ARHGAP27: variants seen among roughly 807,000 people sequenced by gnomAD.
ARHGAP27 encodes rho GTPase-activating protein 27.
In ARHGAP27, 53 loss-of-function variants were observed where a neutral mutation model predicts 102.0. The ratio of observed to expected loss-of-function variants is 0.52; its 90% CI spans 0.42 to 0.65. The LOEUF (loss-of-function observed/expected upper bound fraction) is 0.65, where lower values mean the gene tolerates loss of function less well. Ranked by LOEUF, ARHGAP27 falls within the 30% of genes least tolerant of loss-of-function variation. The pLI is 0.00. For missense variants in ARHGAP27, 1,117 were observed against 1,256.2 expected (o/e 0.89, Z 1.68); for synonymous variants, 525 against 542.8 (o/e 0.97, Z 0.46).
In ARHGAP27 at chr17:45,414,060, C is replaced by T. The variant is rs140483534; in HGVS notation, c.658-7977G>A. ...GGCAGAGGTTACAGTGAACCAAGATCGCACCATTGCACTCCAGCCTGGGTG... is the reference window on the plus strand; with the variant it reads ...GGCAGAGGTTACAGTGAACCAAGATTGCACCATTGCACTCCAGCCTGGGTG... On this transcript the variant is annotated intron_variant, in intron 4 of 19. Transcript: ENST00000685559. Among the ~76,000 whole-genome samples the T allele has an allele frequency of 2.5e-3, 376 of 150,854 alleles. 1 individual carries two copies. The highest frequency in any genetic ancestry group is 8.5e-3 in the African/African-American group (349 of 40,946).
intron 4 of ARHGAP27, among the ~76,000 whole-genome samples, chr17:45,413,815 T>C (rs749287653): frequency 5.9e-5 from 9 of 151,990 alleles, no homozygotes; most frequent in Non-Finnish European, 1.2e-4. Flanking sequence ...TCAGAAATGG[T>C]CCATGAGGGG....
At position 45,395,391 on chromosome 17, in the gene ARHGAP27, C is replaced by A; in HGVS notation, c.*65G>T. The A allele has an allele frequency of 6.7e-7, 1 of 1,494,608 alleles. No individual in the cohort carries two copies. 92.6% of individuals were successfully genotyped at this position (1,494,608 alleles called of 1,614,324 possible). ...TCCCAGAGAGAAGAAGGCCCGGCTG[C>A]GTGGCCTCCGCCGCCCAGCTTGTGT... On this transcript the variant is annotated 3_prime_UTR_variant, in exon 20 of 20. Transcript: ENST00000685559.
chr17:45,421,380 A>AAC (rs1305553236), intron 4 of ARHGAP27, among the ~76,000 whole-genome samples: 35 of 149,314 alleles, frequency 2.3e-4, no homozygotes, highest in African/African-American at 8.1e-4. Flanking sequence ...TTCTCAGGAG[A>AAC]CTGAGGTGGG....
At chr17:45,426,037 C>T (rs1270801079) in intron 4 of ARHGAP27, among the ~76,000 whole-genome samples, 1 of 152,152 alleles carries the variant, frequency 6.6e-6, no homozygotes, top group Non-Finnish European at 1.5e-5. Flanking sequence ...ACGCAGGACG[C>T]TCAGAAGAAG....
intron 4 of ARHGAP27, among the ~76,000 whole-genome samples, chr17:45,426,770 G>A (rs533341125): frequency 1.3e-5 from 2 of 152,088 alleles, no homozygotes; most frequent in Admixed American, 1.3e-4. Context: ...CCTTCTGCCC[G>A]TTGTCCACAC....
chr17:45,404,749 A>G, intron 6 of ARHGAP27, 68 bp from the exon 7 acceptor site: 1 of 1,544,342 alleles, frequency 6.5e-7, no homozygotes, highest in Non-Finnish European at 8.8e-7. Context: ...TTTCCCTCTA[A>G]CCAGGTTCCA....
At chr17:45,425,487 A>T in intron 4 of ARHGAP27, 1 of 927,370 alleles carries the variant, frequency 1.1e-6, no homozygotes, top group Non-Finnish European at 1.3e-6. Context: ...GATGGGTTTT[A>T]GGATTCGGGA....
At chr17:45,429,407 A>G in intron 4 of ARHGAP27, 1 of 1,375,592 alleles carries the variant, frequency 7.3e-7, no homozygotes, top group Non-Finnish European at 9.4e-7. Context: ...CTGGGCTTCC[A>G]GGGAGCTTTG....
chr17:45,413,612 C>T (rs1300646842), intron 4 of ARHGAP27, among the ~76,000 whole-genome samples: 1 of 152,180 alleles, frequency 6.6e-6, no homozygotes, highest in Non-Finnish European at 1.5e-5. Context: ...GCTTTTCTGA[C>T]TTCGGGTTTC....
chr17:45,406,172 G>T (rs1597800414), intron 4 of ARHGAP27, 89 bp from the exon 5 acceptor site: 2 of 1,347,864 alleles, frequency 1.5e-6, no homozygotes, highest in Non-Finnish European at 9.7e-7. Context: ...GATTATAGGG[G>T]TTTATTTGTT....
intron 4 of ARHGAP27, among the ~76,000 whole-genome samples, chr17:45,419,166 G>A (rs990419291): frequency 1.4e-5 from 2 of 147,598 alleles, no homozygotes; most frequent in East Asian, 1.9e-4. Flanking sequence ...CAGGTCATGG[G>A]GAAAGACAAA....
chr17:45,412,096 C>T (rs531361005), intron 4 of ARHGAP27, among the ~76,000 whole-genome samples: 1 of 152,320 alleles, frequency 6.6e-6, no homozygotes, highest in Admixed American at 6.5e-5. Flanking sequence ...CACCTGGCAT[C>T]TCACCTGCTT....
chr17:45,404,351 A>G lies in ARHGAP27; in HGVS notation c.1414-17T>C. ...TGCTGGGACCTATGGGGGAAGACAG[A>G]TAGATCCCACCAAGTCCCTCCTCCC... On this transcript the variant is annotated splice_polypyrimidine_tract_variant and intron_variant, in intron 8 of 19. Coordinates refer to ENST00000685559, the MANE Select transcript of ARHGAP27 (RefSeq NM_001282290.2). The G allele has an allele frequency of 6.2e-7, 1 of 1,613,942 alleles. No individual in the cohort carries two copies. The highest frequency in any genetic ancestry group is 2.2e-5 in the East Asian group (1 of 44,864).
chr17:45,396,779 G>GGGCGGGCGC lies in ARHGAP27; in HGVS notation c.1954_1962dup (p.Ala652_Ala654dup). 6.2e-7 allele frequency: 1 copy of GGGCGGGCGC among 1,611,608 alleles called. No individual in the cohort carries two copies. The highest frequency in any genetic ancestry group is 1.3e-5 in the African/African-American group (1 of 75,008). ...TCGCTCTCCAGGCCCACGGGGCCCA[G>GGGCGGGCGC]GGCGGGCGCGGCTGCCGCGGGGAAA... On this transcript the variant is annotated inframe_insertion, in exon 15 of 20. Transcript: ENST00000685559.
rs1480281703 is a variant in ARHGAP27 at position 45,430,433 on chromosome 17, C to T, written c.-18-136G>A. Reference sequence around the variant, plus strand: ...CCTTCGGGCCTCAGTTTTCCCATCTCTAAAATGGGAACTTGCATAAAATCA... The same window carrying T: ...CCTTCGGGCCTCAGTTTTCCCATCTTTAAAATGGGAACTTGCATAAAATCA... On this transcript the variant is annotated intron_variant, in intron 3 of 19. Coordinates refer to ENST00000685559, the MANE Select transcript of ARHGAP27 (RefSeq NM_001282290.2). This position sits in a 1 kb window ranked among gnomAD's most constrained non-coding sequence, Gnocchi z 4.4. 3 of 1,285,980 alleles carry T rather than the reference C, an allele frequency of 2.3e-6. No homozygotes were observed. Among genetic ancestry groups the T allele is most frequent in the Non-Finnish European group, 3.1e-6 (3 of 963,766 alleles). 79.7% of individuals were successfully genotyped at this position (1,285,980 alleles called of 1,614,324 possible).
At chr17:45,400,869 T>A (rs1040344470) in intron 12 of ARHGAP27, among the ~76,000 whole-genome samples, 1 of 151,954 alleles carries the variant, frequency 6.6e-6, no homozygotes, top group Non-Finnish European at 1.5e-5. Flanking sequence ...GAGCCAAGAT[T>A]GCACCACTGC....
chr17:45,404,202 C>A, intron 9 of ARHGAP27, 67 bp downstream of exon 9: 1 of 1,610,238 alleles, frequency 6.2e-7, no homozygotes, highest in South Asian at 1.1e-5. Flanking sequence ...ATGGTCTGGG[C>A]CCGTGTCTCC....
Position 45,405,035 on chromosome 17 carries a change from G to A in ARHGAP27, c.1137C>T (p.Gly379=), listed in dbSNP as rs757468913. The A allele has an allele frequency of 1.9e-6, 3 of 1,613,682 alleles. No homozygotes were observed. The highest frequency in any genetic ancestry group is 1.3e-5 in the African/African-American group (1 of 75,040). ...AGGTAGGGCCGGGCTCACCGAAAGA[G>A]CCCACGGGAGAATAGTCCTCCTCGG... ...SYPEEDYSPV[G]SFGEPGPTSP... is the part of the protein sequence containing the mutation. The change falls in exon 6 of 20, where the codon GGC becomes GGT. Residue 379 remains glycine (G), a synonymous_variant. Coordinates refer to ENST00000685559, the MANE Select transcript of ARHGAP27 (RefSeq NM_001282290.2).
intron 4 of ARHGAP27, among the ~76,000 whole-genome samples, chr17:45,428,436 C>A (rs1466653959): frequency 2.6e-5 from 4 of 152,232 alleles, no homozygotes; most frequent in South Asian, 2.1e-4. Context: ...AACGTCCTCG[C>A]GTGTAAGTTA....
Sources: allele counts gnomAD v4.1 joint callset (sites outside exome capture counted in the v4.1 genomes callset), GRCh38; gene constraint gnomAD v4.1.1; non-coding constraint Gnocchi (gnomAD v3.1); transcripts MANE v1.5; gene names NCBI Gene and HGNC (gene_info 2026-07-23, HGNC 2026-07-21).